The following SCEL variants were observed in gnomAD, a reference collection of about 807,000 sequenced individuals.
SCEL encodes sciellin.
A neutral mutation model predicts 117.6 loss-of-function variants in SCEL; 113 were observed. The ratio of observed to expected loss-of-function variants is 0.96; its 90% CI spans 0.83 to 1.12. SCEL has a LOEUF of 1.12. Among genes scored for constraint, SCEL ranks in the 50% most tolerant of loss-of-function variants. The pLI, the probability that SCEL is intolerant of heterozygous loss-of-function variation, is 0.00. For synonymous variants in SCEL, 270 were observed against 256.2 expected (o/e 1.05, Z -0.51); for missense variants, 785 against 810.8 (o/e 0.97, Z 0.39).
chr13:77,593,674 T>C, intron 12 of SCEL, 101 bp downstream of exon 12: 1 of 768,596 alleles, frequency 1.3e-6, no homozygotes, highest in Non-Finnish European at 2.2e-6. Flanking sequence ...AAAATCCTAG[T>C]GCTGTATATC....
chr13:77,583,061 C>G (rs1332386812), intron 9 of SCEL, among the ~76,000 whole-genome samples: 4 of 152,134 alleles, frequency 2.6e-5, no homozygotes, highest in Non-Finnish European at 5.9e-5. Context: ...ATAGAGCCAA[C>G]TTAAATTTAA....
chr13:77,544,384 G>A lies in SCEL; in HGVS notation c.-20+8560G>A, dbSNP rs540094539. 7.2e-5 allele frequency among the ~76,000 whole-genome samples: 11 copies of A among 152,242 alleles called. No homozygotes were observed. The South Asian group carries it at 1.5e-3, about 20-fold the overall frequency. ...GTTAGCAGGGAGTGGTAAAGACTTC[G>A]TGAGGTAAGCCAAGAGGCATTATGT... On this transcript the variant is annotated intron_variant, in intron 1 of 32. Transcript: ENST00000349847.
At chr13:77,605,799 G>T (rs1225413026) in intron 19 of SCEL, among the ~76,000 whole-genome samples, 2 of 152,046 alleles carry the variant, frequency 1.3e-5, no homozygotes, top group African/African-American at 4.8e-5. Context: ...GAGGTCAGGG[G>T]ATCGAGACCA....
chr13:77,561,441 C>T (rs1025191640), intron 4 of SCEL, among the ~76,000 whole-genome samples: 2 of 152,202 alleles, frequency 1.3e-5, no homozygotes, highest in African/African-American at 4.8e-5. Context: ...ACATTTCCCT[C>T]TTGACCTATA....
At chr13:77,564,219 A>G (rs1358591122) in intron 5 of SCEL, among the ~76,000 whole-genome samples, 1 of 140,812 alleles carries the variant, frequency 7.1e-6, no homozygotes, top group Admixed American at 7.2e-5. Flanking sequence ...GCGAATATGT[A>G]TAATCCTTGT....
At chr13:77,594,676 T>C (rs2087117081) in intron 12 of SCEL, among the ~76,000 whole-genome samples, 1 of 152,232 alleles carries the variant, frequency 6.6e-6, no homozygotes, top group South Asian at 2.1e-4. Flanking sequence ...TATTTTGTCT[T>C]ATTTGCCATT....
chr13:77,637,809 C>T (rs1022992689), intron 30 of SCEL, among the ~76,000 whole-genome samples: 4 of 152,160 alleles, frequency 2.6e-5, no homozygotes, highest in Non-Finnish European at 5.9e-5. Context: ...GGCCCAAGCT[C>T]AGTTCCCAGG....
intron 1 of SCEL, among the ~76,000 whole-genome samples, chr13:77,544,596 G>C (rs2083893415): frequency 2.6e-5 from 4 of 152,198 alleles, no homozygotes; most frequent in Admixed American, 2.6e-4. Context: ...TCTTGGCATT[G>C]GGACAAGAGG....
At chr13:77,572,696 C>T (rs487199) in intron 9 of SCEL, among the ~76,000 whole-genome samples, 141,324 of 152,246 alleles carry the variant, frequency 0.93, 65,633 homozygotes, top group South Asian at 0.96. Context: ...CCTGTGTGCA[C>T]GTCTGAGTCC....
At chr13:77,575,982 T>C (rs996866668) in intron 9 of SCEL, among the ~76,000 whole-genome samples, 1 of 152,204 alleles carries the variant, frequency 6.6e-6, no homozygotes, top group African/African-American at 2.4e-5. Flanking sequence ...CTGATCAAAT[T>C]CCTGCTTCAC....
At chr13:77,563,765 G>GT in intron 4 of SCEL, 66 bp from the exon 5 acceptor site, 1 of 1,272,216 alleles carries the variant, frequency 7.9e-7, no homozygotes, top group East Asian at 2.4e-5. Flanking sequence ...TGTATGATAG[G>GT]TTTTATAAAC....
At chr13:77,599,409 T>C (rs1181648009) in intron 14 of SCEL, 21 bp downstream of exon 14, 2 of 1,596,682 alleles carry the variant, frequency 1.3e-6, no homozygotes, top group Admixed American at 1.7e-5. Context: ...CTGTCTCAAA[T>C]ATGAAAATCT....
intron 18 of SCEL, among the ~76,000 whole-genome samples, chr13:77,603,480 T>C (rs577772882): frequency 5.1e-4 from 77 of 152,328 alleles, no homozygotes; most frequent in Middle Eastern, 3.4e-3. Context: ...TGAGCCATCA[T>C]TGGAGCTCTG....
chr13:77,632,415 T>G (rs894554435), intron 28 of SCEL, among the ~76,000 whole-genome samples: 2 of 152,236 alleles, frequency 1.3e-5, no homozygotes, highest in South Asian at 4.1e-4. Context: ...CTAGGTTTGT[T>G]ATTCTTGGGA....
chr13:77,572,307 C>T (rs1016905860), intron 9 of SCEL, 118 bp downstream of exon 9: 35 of 766,084 alleles, frequency 4.6e-5, no homozygotes, highest in Middle Eastern at 4.9e-4. Flanking sequence ...CATGAACTCT[C>T]AGCTCTGTAC....
At chr13:77,612,456 CTTT>C (rs71102764) in intron 22 of SCEL, among the ~76,000 whole-genome samples, 7,328 of 91,528 alleles carry the variant, frequency 0.08, 201 homozygotes, top group Non-Finnish European at 0.093. Context: ...TTTTTCTTTT[CTTT>C]TTTTTTTTTT....
chr13:77,615,186 A>G (rs180768777), intron 24 of SCEL, among the ~76,000 whole-genome samples: 2 of 152,136 alleles, frequency 1.3e-5, no homozygotes, highest in East Asian at 3.9e-4. Flanking sequence ...TCCTAGGAGG[A>G]GATGTTTGGA....
intron 8 of SCEL, among the ~76,000 whole-genome samples, chr13:77,570,302 A>G (rs2085522695): frequency 6.6e-6 from 1 of 152,220 alleles, no homozygotes; most frequent in Non-Finnish European, 1.5e-5. Flanking sequence ...TCATCTTTCC[A>G]TTGAACCCAA....
At chr13:77,543,048 C>G (rs1031063037) in intron 1 of SCEL, among the ~76,000 whole-genome samples, 4 of 151,498 alleles carry the variant, frequency 2.6e-5, no homozygotes, top group African/African-American at 9.7e-5. Context: ...TTTCTAGACC[C>G]CTTTTCTGTA....
Sources: gnomAD v4.1 joint callset for allele counts (sites outside exome capture counted in the v4.1 genomes callset) on GRCh38, gnomAD v4.1.1 for gene constraint, MANE v1.5 for transcripts, NCBI Gene and HGNC (gene_info 2026-07-23, HGNC 2026-07-21) for gene names.